The following BABAM2 variants were observed in gnomAD, a reference collection of about 807,000 sequenced individuals.
The protein encoded by BABAM2 is BRISC and BRCA1 A complex member 2.
BABAM2 carries 31 observed loss-of-function variants against 54.7 expected under a neutral mutation model. That is an observed-to-expected ratio of 0.57 (90% confidence interval 0.43 to 0.77). The LOEUF (loss-of-function observed/expected upper bound fraction) is 0.77. BABAM2 is among the 30% of genes least tolerant of loss of function. The probability of loss-of-function intolerance (pLI) is 0.00; values close to 1 mark genes in which losing one functional copy is unlikely to be tolerated. For missense variants in BABAM2, 364 were observed against 455.8 expected, an observed-to-expected ratio of 0.80 and a Z score of 1.83; for synonymous variants, 167 against 162.9, an observed-to-expected ratio of 1.03 and a Z score of -0.19.
intron 7 of BABAM2, chr2:28,233,259 C>G (rs773974860): frequency 5.9e-5 from 28 of 471,188 alleles, no homozygotes; most frequent in Non-Finnish European, 8.8e-6. Flanking sequence ...ATAATTCTTC[C>G]CCAGCCACTT....
chr2:27,914,667 C>T (rs72854436), intron 2 of BABAM2, among the ~76,000 whole-genome samples: 8,242 of 152,150 alleles, frequency 0.054, 628 homozygotes, highest in African/African-American at 0.17. Context: ...GTTATGAAAT[C>T]ATTTTAGAGG....
rs187564810 is a variant in BABAM2 at position 28,306,766 on chromosome 2, G to A, written c.1088+8275G>A. Among the ~76,000 whole-genome samples, 11 of 151,362 alleles carry A rather than the reference G, an allele frequency of 7.3e-5. No homozygotes were observed. The East Asian group carries it at 1.7e-3, about 24-fold the overall frequency. On this transcript the variant is annotated intron_variant, in intron 11 of 11. Transcript: ENST00000379624. ...GATTGGAGTGCAGTGGTGTGACCTC[G>A]GCTCATGGCAACCTCCACCTCCTGG...
intron 5 of BABAM2, 119 bp from the exon 6 acceptor site, chr2:28,045,606 G>A: frequency 1.3e-6 from 1 of 751,842 alleles, no homozygotes; most frequent in Non-Finnish European, 2.0e-6. Context: ...CTAACGTTAG[G>A]AAAACCAAAT....
chr2:28,216,459 T>C (rs1014218669), intron 7 of BABAM2, among the ~76,000 whole-genome samples: 3 of 152,216 alleles, frequency 2.0e-5, no homozygotes, highest in African/African-American at 7.2e-5. Flanking sequence ...CAGCCTGTAA[T>C]TGCAGTATTT....
At chr2:27,946,677 AGAGAG>A (rs949748273) in intron 3 of BABAM2, among the ~76,000 whole-genome samples, 58 of 152,080 alleles carry the variant, frequency 3.8e-4, no homozygotes, top group African/African-American at 1.4e-3. Context: ...AGGAGAGAAG[AGAGAG>A]GAGAGGAGAG....
Position 28,237,281 on chromosome 2 carries a change from T to C in BABAM2, c.760T>C (p.Cys254Arg). The change falls in exon 8 of 12, where the codon TGC (cysteine) becomes CGC (arginine). Residue 254 changes from cysteine to arginine, a missense_variant. Cys to Arg is a radical substitution (Grantham distance 180, BLOSUM62 -3). Transcript: ENST00000379624. Reference sequence around the variant, plus strand: ...TCTCATTGATTACGTTCCTCAAGTATGCCACCTGCTCACCAACAAGGTAAA... The same window carrying C: ...TCTCATTGATTACGTTCCTCAAGTACGCCACCTGCTCACCAACAAGGTAAA... ...GCLIDYVPQV[C>R]HLLTNKVQYV... The C allele has an allele frequency of 6.2e-7, 1 of 1,613,698 alleles. No individual in the cohort carries two copies. The highest frequency in any genetic ancestry group is 2.2e-5 in the East Asian group (1 of 44,870).
At chr2:28,172,378 G>A (rs1674439783) in intron 7 of BABAM2, among the ~76,000 whole-genome samples, 1 of 152,170 alleles carries the variant, frequency 6.6e-6, no homozygotes, top group South Asian at 2.1e-4. Flanking sequence ...AGATGCATGT[G>A]TGTTTCATGG....
At chr2:28,303,713 G>GCC (rs199620434) in intron 11 of BABAM2, among the ~76,000 whole-genome samples, 6 of 149,118 alleles carry the variant, frequency 4.0e-5, no homozygotes, top group Middle Eastern at 3.4e-3. Flanking sequence ...CCACTCCAAC[G>GCC]CCCCCCCCAC....
chr2:28,026,897 A>ATATGG (rs1558667588), intron 5 of BABAM2, among the ~76,000 whole-genome samples: 1 of 20,578 alleles, frequency 4.9e-5, no homozygotes, highest in Non-Finnish European at 1.2e-4. Flanking sequence ...GATATATATA[A>ATATGG]ATATATATAA....
intron 4 of BABAM2, among the ~76,000 whole-genome samples, chr2:28,017,924 G>A (rs1674962462): frequency 6.6e-6 from 1 of 152,272 alleles, no homozygotes; most frequent in African/African-American, 2.4e-5. Context: ...GGACATTTGG[G>A]TTGTTTGTAC....
chr2:28,295,366 T>C (rs549906275), intron 10 of BABAM2, among the ~76,000 whole-genome samples: 1 of 152,368 alleles, frequency 6.6e-6, no homozygotes, highest in Admixed American at 6.5e-5. Context: ...TTAAAATTGT[T>C]GCTTTCTTGT....
chr2:28,277,350 C>A (rs1685965895), intron 10 of BABAM2, among the ~76,000 whole-genome samples: 1 of 152,132 alleles, frequency 6.6e-6, no homozygotes, highest in African/African-American at 2.4e-5. Context: ...AGTGATCCTC[C>A]AGCCTCATCC....
At chr2:28,237,913 C>T (rs924851422) in intron 8 of BABAM2, among the ~76,000 whole-genome samples, 4 of 151,990 alleles carry the variant, frequency 2.6e-5, no homozygotes, top group South Asian at 2.1e-4. Context: ...AATGTAGTGG[C>T]GCGATCTCGG....
chr2:27,991,688 C>T (rs1031057879), intron 4 of BABAM2, among the ~76,000 whole-genome samples: 8 of 152,120 alleles, frequency 5.3e-5, no homozygotes, highest in South Asian at 2.1e-4. Flanking sequence ...TTTGACTTAG[C>T]GTATTGTTTT....
intron 10 of BABAM2, among the ~76,000 whole-genome samples, chr2:28,286,097 A>C (rs1231158511): frequency 6.6e-6 from 1 of 151,854 alleles, no homozygotes; most frequent in African/African-American, 2.4e-5. Context: ...CTGGGATTAC[A>C]GGCAGGCACC....
At chr2:27,910,270 C>T (rs998854669) in intron 2 of BABAM2, among the ~76,000 whole-genome samples, 1 of 152,058 alleles carries the variant, frequency 6.6e-6, no homozygotes, top group Admixed American at 6.5e-5. Flanking sequence ...TGTCATGGTT[C>T]CAGGTTCAGG....
At chr2:28,279,532 T>C (rs1049627226) in intron 10 of BABAM2, among the ~76,000 whole-genome samples, 2 of 152,188 alleles carry the variant, frequency 1.3e-5, no homozygotes, top group Non-Finnish European at 2.9e-5. Flanking sequence ...TTTTGTTTAC[T>C]GACTTTCCCA....
chr2:28,232,915 C>T (rs1426375584), intron 7 of BABAM2, among the ~76,000 whole-genome samples: 1 of 152,100 alleles, frequency 6.6e-6, no homozygotes, highest in East Asian at 1.9e-4. Context: ...AGTTTTAGAG[C>T]CAACAAGACT....
Position 28,177,332 on chromosome 2 carries a change from A to T in BABAM2, c.680+47952A>T, listed in dbSNP as rs186406878. Among the ~76,000 whole-genome samples, 454 of 152,282 alleles carry T rather than the reference A, an allele frequency of 3.0e-3. 2 individuals carry two copies. Among genetic ancestry groups the T allele is most frequent in the African/African-American group, 0.01 (432 of 41,558 alleles). On this transcript the variant is annotated intron_variant, in intron 7 of 11. Coordinates refer to ENST00000379624, the MANE Select transcript of BABAM2 (RefSeq NM_199191.3). ...GTTATCTTTCACAAATGAAGGAGAA[A>T]TAAGGTCTTTCCTAGACAAGCAGAA...
Sources: allele counts gnomAD v4.1 joint callset (sites outside exome capture counted in the v4.1 genomes callset), GRCh38; gene constraint gnomAD v4.1.1; transcripts MANE v1.5; gene names NCBI Gene and HGNC (gene_info 2026-07-23, HGNC 2026-07-21).